Variants in KIF4A observed in about 807,000 individuals in gnomAD.
KIF4A encodes chromosome-associated kinesin KIF4A.
A neutral mutation model predicts 105.9 loss-of-function variants in KIF4A; 7 were observed. The observed-to-expected ratio is 0.07, with a 90% CI of 0.04 to 0.12. The LOEUF (loss-of-function observed/expected upper bound fraction) is 0.12, where lower values mean the gene tolerates loss of function less well. Among genes scored for constraint, KIF4A ranks in the 10% least tolerant of loss-of-function variants. The pLI, the probability that KIF4A is intolerant of heterozygous loss-of-function variation, is 1.00. For synonymous variants in KIF4A, 281 were observed against 331.3 expected, an observed-to-expected ratio of 0.85 and a Z score of 1.65; for missense variants, 558 against 929.2, an observed-to-expected ratio of 0.60 and a Z score of 5.19.
chrX:70,398,616 TCA>T (rs1444308235), intron 22 of KIF4A, among the ~76,000 whole-genome samples: 2 of 112,134 alleles, frequency 1.8e-5, no homozygotes, highest in African/African-American at 6.5e-5. Context: ...TTTTAATCCC[TCA>T]CTAATCTTCC....
At chrX:70,298,535 AT>A (rs1443357230) in intron 4 of KIF4A, among the ~76,000 whole-genome samples, 7 of 111,714 alleles carry the variant, frequency 6.3e-5, no homozygotes, top group Non-Finnish European at 1.3e-4. Flanking sequence ...GCTCAGCTAG[AT>A]TAGCCTTCTT....
rs779835573 is a variant in KIF4A, at chrX:70,358,282, C to T, written c.1674+4475C>T. 6.4e-5 allele frequency among the ~76,000 whole-genome samples: 5 copies of T among 78,567 alleles called. No individual in the cohort carries two copies. In the South Asian group the frequency reaches 3.0e-3, roughly 48 times the overall value. 68.2% of individuals were successfully genotyped at this position (78,567 alleles called of 115,157 possible). ...CTAGAAATTTGTACTCCTTTCTGGGCGGTTTTTTTCCTATCATTTCTTTGA... is the reference window on the plus strand; with the variant it reads ...CTAGAAATTTGTACTCCTTTCTGGGTGGTTTTTTTCCTATCATTTCTTTGA... On this transcript the variant is annotated intron_variant, in intron 15 of 30. Transcript: ENST00000374403.
intron 7 of KIF4A, among the ~76,000 whole-genome samples, chrX:70,310,284 C>T (rs1205262014): frequency 9.5e-6 from 1 of 105,343 alleles, no homozygotes; most frequent in Non-Finnish European, 1.9e-5. Flanking sequence ...TGTTCTTAGA[C>T]TTCATTACAG....
chrX:70,293,849 T>C (rs756481402), intron 3 of KIF4A, among the ~76,000 whole-genome samples: 3 of 112,219 alleles, frequency 2.7e-5, no homozygotes, highest in South Asian at 3.7e-4. Context: ...GGTGAGTGAA[T>C]GTAAGGGCCT....
At chrX:70,373,525 T>G (rs866760428) in intron 15 of KIF4A, among the ~76,000 whole-genome samples, 379 of 21,381 alleles carry the variant, frequency 0.018, 104 homozygotes, top group Admixed American at 0.021. Flanking sequence ...TGTGTGTATG[T>G]ATATATATAT....
intron 13 of KIF4A, among the ~76,000 whole-genome samples, 173 bp downstream of exon 13, chrX:70,344,155 C>G (rs2085982960): frequency 8.9e-6 from 1 of 112,120 alleles, no homozygotes; most frequent in Admixed American, 9.4e-5. Flanking sequence ...TGTTAAAACA[C>G]TCATAGGTTA....
At chrX:70,389,553 C>T (rs961283685) in intron 20 of KIF4A, among the ~76,000 whole-genome samples, 8 of 112,638 alleles carry the variant, frequency 7.1e-5, no homozygotes, top group African/African-American at 1.9e-4. Context: ...GGTGATAGAG[C>T]GAGGCTTCGT....
intron 13 of KIF4A, among the ~76,000 whole-genome samples, chrX:70,351,744 T>C (rs1057416463): frequency 9.0e-6 from 1 of 111,635 alleles, no homozygotes; most frequent in Non-Finnish European, 1.9e-5. Flanking sequence ...TTTTTGTTTT[T>C]GTTTTTGTTT....
chrX:70,366,287 G>A (rs1450961013), intron 15 of KIF4A, among the ~76,000 whole-genome samples: 7 of 110,626 alleles, frequency 6.3e-5, no homozygotes, highest in Non-Finnish European at 1.1e-4. Flanking sequence ...CTTACCTTCT[G>A]CTAGCTTTTG....
rs771048417 is a variant in KIF4A, at chrX:70,340,674, A to G, written c.1134-1125A>G. 1.1e-4 allele frequency among the ~76,000 whole-genome samples: 12 copies of G among 111,618 alleles called. No individual in the cohort carries two copies. The South Asian group carries it at 4.5e-3, about 42-fold the overall frequency. Reference sequence around the variant, plus strand: ...TGAGACCTTATTGTGTGGCCTTCCTATTAACTTTTGATAAAGTGCCTTCTA... The same window carrying G: ...TGAGACCTTATTGTGTGGCCTTCCTGTTAACTTTTGATAAAGTGCCTTCTA... On this transcript the variant is annotated intron_variant, in intron 10 of 30. Coordinates refer to ENST00000374403, the MANE Select transcript of KIF4A (RefSeq NM_012310.5).
At chrX:70,321,908 A>G (rs1217652396) in intron 7 of KIF4A, among the ~76,000 whole-genome samples, 1 of 110,719 alleles carries the variant, frequency 9.0e-6, no homozygotes, top group East Asian at 2.8e-4. Flanking sequence ...CTTCTTCTGG[A>G]CAATCTCATT....
At chrX:70,418,850 C>T (rs890208596) in intron 29 of KIF4A, among the ~76,000 whole-genome samples, 13 of 111,245 alleles carry the variant, frequency 1.2e-4, no homozygotes, top group East Asian at 2.8e-4. Flanking sequence ...TTTGGGAGGC[C>T]GAGGCGGGCG....
chrX:70,328,046 A>G (rs1222241522), intron 7 of KIF4A, among the ~76,000 whole-genome samples: 2 of 111,964 alleles, frequency 1.8e-5, no homozygotes, highest in Non-Finnish European at 3.8e-5. Flanking sequence ...ATGGAAGGAT[A>G]GTAGGATGCA....
intron 19 of KIF4A, 33 bp from the exon 20 acceptor site, chrX:70,387,151 C>A: frequency 1.1e-6 from 1 of 920,073 alleles, no homozygotes; most frequent in Non-Finnish European, 1.5e-6. Context: ...TTTTACCATT[C>A]ATTCAACATT....
At position 70,290,531 on chromosome X, in the gene KIF4A, A is replaced by G; in HGVS notation, c.73A>G (p.Ser25Gly). 1 of 1,211,970 alleles carries G rather than the reference A, an allele frequency of 8.3e-7. No individual in the cohort carries two copies. The highest frequency in any genetic ancestry group is 1.7e-5 in the African/African-American group (1 of 57,845). The change falls in exon 2 of 31, where the codon AGC becomes GGC. Residue 25 changes from serine (S) to glycine (G), a missense_variant. Physicochemically the swap from Ser to Gly is moderately conservative, Grantham distance 56. Transcript: ENST00000374403. ...TCGCCCTCTGGTCCCCAAAGAGATT[A>G]GCGAGGGCTGCCAGATGTGCCTTTC... ...RCRPLVPKEI[S>G]EGCQMCLSFV...
At chrX:70,397,325 G>A (rs765312363) in intron 22 of KIF4A, among the ~76,000 whole-genome samples, 6 of 111,465 alleles carry the variant, frequency 5.4e-5, no homozygotes, top group South Asian at 7.7e-4. Flanking sequence ...AGCCGAGATC[G>A]TGCCACTGCA....
chrX:70,320,911 C>A lies in KIF4A; in HGVS notation c.779-8494C>A, dbSNP rs745773306. ...TACCCTGACTTGATCATTACAATTTCTATGCATGTAACAAAATATCACCTA... is the reference window on the plus strand; with the variant it reads ...TACCCTGACTTGATCATTACAATTTATATGCATGTAACAAAATATCACCTA... On this transcript the variant is annotated intron_variant, in intron 7 of 30. Transcript: ENST00000374403. 6.3e-5 allele frequency among the ~76,000 whole-genome samples: 7 copies of A among 111,846 alleles called. 1 individual carries two copies. The highest frequency in any genetic ancestry group is 1.3e-4 in the Non-Finnish European group (7 of 53,152).
chrX:70,350,303 G>A (rs780989585), intron 13 of KIF4A, among the ~76,000 whole-genome samples: 1 of 111,657 alleles, frequency 9.0e-6, no homozygotes, highest in Non-Finnish European at 1.9e-5. Context: ...TGGTCAACAC[G>A]GCGAAACCCC....
chrX:70,314,938 T>C (rs749950439), intron 7 of KIF4A, among the ~76,000 whole-genome samples: 1 of 111,271 alleles, frequency 9.0e-6, no homozygotes, highest in East Asian at 2.8e-4. Context: ...GTCGGTCGAG[T>C]GGTAAGGAAT....
Sources: allele counts gnomAD v4.1 joint callset (sites outside exome capture counted in the v4.1 genomes callset), GRCh38; gene constraint gnomAD v4.1.1; transcripts MANE v1.5; gene names NCBI Gene and HGNC (gene_info 2026-07-23, HGNC 2026-07-21).